PHEX: variants seen among roughly 807,000 people sequenced by gnomAD.
PHEX encodes phosphate-regulating neutral endopeptidase PHEX.
Under a neutral mutation model 68.0 loss-of-function variants are expected in PHEX, and 16 were observed. The observed-to-expected ratio is 0.24, with a 90% CI of 0.16 to 0.36. The LOEUF is 0.36. Among genes scored for constraint, PHEX ranks in the 10% least tolerant of loss-of-function variants. PHEX has a pLI of 1.00. For missense variants in PHEX, 480 were observed against 575.5 expected, an observed-to-expected ratio of 0.83 and a Z score of 1.70; for synonymous variants, 208 against 205.1, an observed-to-expected ratio of 1.01 and a Z score of -0.12.
At chrX:22,122,206 A>C (rs1931515506) in intron 11 of PHEX, among the ~76,000 whole-genome samples, 1 of 111,279 alleles carries the variant, frequency 9.0e-6, no homozygotes, top group Non-Finnish European at 1.9e-5. Context: ...CTGCTCACAA[A>C]GGTTGTTCTC....
At chrX:22,084,445 GTAGT>G (rs1055521003) in intron 5 of PHEX, among the ~76,000 whole-genome samples, 2 of 110,549 alleles carry the variant, frequency 1.8e-5, no homozygotes, top group Non-Finnish European at 3.8e-5. Context: ...ATATTGGCTG[GTAGT>G]TTTCTTTTCT....
chrX:22,067,761 C>A (rs1159806059), intron 3 of PHEX, among the ~76,000 whole-genome samples: 1 of 111,365 alleles, frequency 9.0e-6, no homozygotes, highest in Non-Finnish European at 1.9e-5. Context: ...CTGGGTCCCA[C>A]CCCAGACCTA....
intron 9 of PHEX, among the ~76,000 whole-genome samples, chrX:22,103,305 T>C (rs141703419): frequency 0.015 from 1,701 of 111,540 alleles, 37 homozygotes; most frequent in African/African-American, 0.052. Context: ...TCTTATTTTT[T>C]ATTTTTATTT....
chrX:22,109,282 A>G (rs770446843), intron 9 of PHEX, among the ~76,000 whole-genome samples: 10 of 112,369 alleles, frequency 8.9e-5, no homozygotes, highest in Non-Finnish European at 1.5e-4. Flanking sequence ...GTGGATTTAT[A>G]TTCATTGTCA....
Position 22,247,926 on chromosome X carries a change from A to G in PHEX, c.2223A>G (p.Arg741=). Residue 741 remains arginine (R), a synonymous_variant, in exon 22 of 22, where the codon AGA becomes AGG. Coordinates refer to ENST00000379374, the MANE Select transcript of PHEX (RefSeq NM_000444.6). ...GTCCACCCAATTCCACGATGAACAG[A>G]GGCATGGACTCCTGCCGACTCTGGT... ...FNCPPNSTMN[R]GMDSCRLW The G allele has an allele frequency of 8.3e-7, 1 of 1,206,765 alleles. No homozygotes were observed. Among genetic ancestry groups the G allele is most frequent in the Non-Finnish European group, 1.1e-6 (1 of 890,826 alleles).
At chrX:22,170,660 C>A (rs1933492846) in intron 13 of PHEX, among the ~76,000 whole-genome samples, 1 of 112,116 alleles carries the variant, frequency 8.9e-6, no homozygotes, top group African/African-American at 3.2e-5. Flanking sequence ...CATGCACTGT[C>A]CAGGTCCCTC....
intron 12 of PHEX, among the ~76,000 whole-genome samples, chrX:22,160,286 C>T (rs1414656614): frequency 2.7e-5 from 3 of 111,623 alleles, no homozygotes; most frequent in African/African-American, 6.5e-5. Context: ...CAGTGTCTCA[C>T]GCCTGTAATC....
intron 3 of PHEX, among the ~76,000 whole-genome samples, chrX:22,050,187 T>C (rs1467959475): frequency 3.5e-5 from 4 of 112,786 alleles, no homozygotes; most frequent in African/African-American, 1.3e-4. Flanking sequence ...AAAGTAAAGC[T>C]TTGAATGTAT....
chrX:22,184,853 G>T (rs1933981062), intron 14 of PHEX, among the ~76,000 whole-genome samples: 1 of 111,994 alleles, frequency 8.9e-6, no homozygotes, highest in East Asian at 2.8e-4. Context: ...TTATGTTCCT[G>T]CCCAGAACTT....
intron 4 of PHEX, 112 bp from the exon 5 acceptor site, chrX:22,077,364 A>C: frequency 1.5e-6 from 1 of 681,202 alleles, no homozygotes; most frequent in Non-Finnish European, 2.4e-6. Flanking sequence ...TAACAGCTGA[A>C]ATTTTAAGTT....
chrX:22,203,759 G>A (rs1170045620), intron 15 of PHEX, among the ~76,000 whole-genome samples: 2 of 111,756 alleles, frequency 1.8e-5, no homozygotes, highest in South Asian at 7.4e-4. Flanking sequence ...AGTCAATAAT[G>A]TATAAGGCAT....
intron 5 of PHEX, among the ~76,000 whole-genome samples, chrX:22,081,293 C>G (rs757560023): frequency 2.7e-5 from 3 of 110,819 alleles, no homozygotes; most frequent in Non-Finnish European, 5.7e-5. Flanking sequence ...CAAGTGTGCC[C>G]CTCTGATGCT....
chrX:22,201,342 A>G (rs1934546699), intron 15 of PHEX, among the ~76,000 whole-genome samples: 1 of 110,707 alleles, frequency 9.0e-6, no homozygotes. Flanking sequence ...ACGCCTGGCT[A>G]TTTTTTTAAA....
chrX:22,244,517 G>T (rs182271279), intron 20 of PHEX, among the ~76,000 whole-genome samples: 1 of 111,016 alleles, frequency 9.0e-6, no homozygotes, highest in East Asian at 2.8e-4. Flanking sequence ...CAGGAGAATC[G>T]CTTGAACCCA....
At chrX:22,159,930 T>C (rs777408740) in intron 12 of PHEX, among the ~76,000 whole-genome samples, 1 of 112,362 alleles carries the variant, frequency 8.9e-6, no homozygotes, top group Admixed American at 9.4e-5. Flanking sequence ...AATTCAGCTA[T>C]TGCTAATACC....
At chrX:22,142,286 A>G (rs7882403) in intron 12 of PHEX, among the ~76,000 whole-genome samples, 1,733 of 111,988 alleles carry the variant, frequency 0.015, 40 homozygotes, top group African/African-American at 0.053. Context: ...CTACTATGAC[A>G]TATTCTTCTA....
At chrX:22,078,715 A>G (rs1167614621) in intron 5 of PHEX, among the ~76,000 whole-genome samples, 2 of 111,935 alleles carry the variant, frequency 1.8e-5, no homozygotes, top group Non-Finnish European at 3.8e-5. Context: ...CTCTGTTGCA[A>G]CTACTTAATT....
intron 11 of PHEX, among the ~76,000 whole-genome samples, chrX:22,125,268 C>T (rs1327577703): frequency 2.7e-5 from 3 of 111,349 alleles, no homozygotes; most frequent in African/African-American, 9.8e-5. Flanking sequence ...TTCCACCAAT[C>T]AGTGGTTACA....
At chrX:22,188,452 A>T (rs547417978) in intron 14 of PHEX, among the ~76,000 whole-genome samples, 2 of 112,378 alleles carry the variant, frequency 1.8e-5, no homozygotes, top group East Asian at 5.6e-4. Context: ...CAACCATCTA[A>T]GTCAGGGTTT....
Sources: gnomAD v4.1 joint callset for allele counts (sites outside exome capture counted in the v4.1 genomes callset) on GRCh38, gnomAD v4.1.1 for gene constraint, MANE v1.5 for transcripts, NCBI Gene and HGNC (gene_info 2026-07-23, HGNC 2026-07-21) for gene names.